Variants in SP140 observed in about 807,000 individuals in gnomAD.
SP140 encodes the protein nuclear body protein SP140.
SP140 carries 81 observed loss-of-function variants against 125.0 expected under a neutral mutation model. The observed-to-expected ratio is 0.65, with a 90% CI of 0.54 to 0.78. SP140 has a LOEUF of 0.78. Among genes scored for constraint, SP140 ranks in the 30% least tolerant of loss-of-function variants. The probability of loss-of-function intolerance (pLI) is 0.00; values close to 1 mark genes in which losing one functional copy is unlikely to be tolerated. For synonymous variants in SP140, 312 were observed against 354.0 expected (o/e 0.88, Z 1.33); for missense variants, 858 against 1,037.0 (o/e 0.83, Z 2.37).
At chr2:230,271,872 T>G (rs2053982211) in intron 15 of SP140, among the ~76,000 whole-genome samples, 2 of 152,156 alleles carry the variant, frequency 1.3e-5, no homozygotes, top group African/African-American at 2.4e-5. Context: ...AAGGTCAGAT[T>G]ATACATTCAC....
At chr2:230,206,595 T>TTATATATATATA (rs56817002) in intron 1 of SP140, among the ~76,000 whole-genome samples, 1,566 of 69,838 alleles carry the variant, frequency 0.022, 96 homozygotes, top group East Asian at 0.032. Context: ...GGTCCAGATT[T>TTATATATATATA]TATATATATA....
intron 1 of SP140, among the ~76,000 whole-genome samples, chr2:230,205,951 A>G (rs1203333225): frequency 2.0e-5 from 3 of 152,186 alleles, no homozygotes; most frequent in African/African-American, 7.2e-5. Context: ...CCCATAGAGA[A>G]TACACATAAC....
intron 16 of SP140, 100 bp from the exon 17 acceptor site, chr2:230,285,652 C>G: frequency 1.0e-6 from 1 of 984,038 alleles, no homozygotes; most frequent in Non-Finnish European, 1.6e-6. Context: ...TCGAGGGGAT[C>G]CAGAATGAGA....
intron 15 of SP140, among the ~76,000 whole-genome samples, chr2:230,278,535 T>C (rs552433679): frequency 6.6e-6 from 1 of 152,204 alleles, no homozygotes; most frequent in African/African-American, 2.4e-5. Context: ...TTTGCTTTTG[T>C]TCCTGTGCTT....
intron 17 of SP140, 138 bp downstream of exon 17, chr2:230,285,970 C>A: frequency 1.6e-6 from 1 of 641,910 alleles, no homozygotes. Context: ...TCTAAAAGAG[C>A]AAACTCATTA....
At chr2:230,225,623 G>A (rs527791816), upstream of SP140, 55 of 596,694 alleles carry the variant, frequency 9.2e-5, no homozygotes, top group African/African-American at 7.4e-4. Flanking sequence ...CCGTGGCCTC[G>A]TGGGGCTGGC....
At chr2:230,215,324 C>G (rs1006138894) in intron 3 of SP140, among the ~76,000 whole-genome samples, 2 of 152,070 alleles carry the variant, frequency 1.3e-5, no homozygotes, top group South Asian at 4.2e-4. Flanking sequence ...GGATGACTAG[C>G]AACAAAAATA....
chr2:230,241,973 A>T (rs2048790022), intron 4 of SP140, among the ~76,000 whole-genome samples: 1 of 152,132 alleles, frequency 6.6e-6, no homozygotes, highest in Admixed American at 6.6e-5. Flanking sequence ...GGGAGTTTGG[A>T]TATGGAGAGA....
In SP140 at chr2:230,225,856, G is replaced by A; in HGVS notation, c.12G>A (p.Gln4=). 6.2e-7 allele frequency: 1 copy of A among 1,613,984 alleles called. No individual in the cohort carries two copies. Among genetic ancestry groups the A allele is most frequent in the Non-Finnish European group, 8.5e-7 (1 of 1,179,836 alleles). Residue 4 remains glutamine, a synonymous_variant, in exon 1 of 27, where the codon CAG becomes CAA. Coordinates refer to ENST00000392045, the MANE Select transcript of SP140 (RefSeq NM_007237.5). MAQ[Q]GQQGQMASGD... is the part of the protein sequence containing the mutation. ...CCTAGGCCAAGCTCATGGCCCAGCA[G>A]GGCCAGCAGGGGCAGATGGCAAGTG...
intron 22 of SP140, among the ~76,000 whole-genome samples, chr2:230,308,581 A>T (rs1350405907): frequency 6.6e-6 from 1 of 152,340 alleles, no homozygotes; most frequent in East Asian, 1.9e-4. Context: ...GCAGGGCCAC[A>T]TGGGGGCTGC....
chr2:230,303,443 G>A (rs949526970), intron 22 of SP140, among the ~76,000 whole-genome samples: 1 of 152,158 alleles, frequency 6.6e-6, no homozygotes. Flanking sequence ...GAAAGGCCAA[G>A]ACCAGATGGA....
At chr2:230,287,839 G>A (rs1207247232) in intron 17 of SP140, 53 bp from the exon 18 acceptor site, 60 of 1,457,468 alleles carry the variant, frequency 4.1e-5, no homozygotes, top group Middle Eastern at 4.9e-4. Context: ...GCTGTAATAT[G>A]TGTAATACAG....
At position 230,211,613 on chromosome 2, in the gene SP140, G is replaced by A; in HGVS notation, c.-322-2041G>A. On this transcript the variant is annotated intron_variant, in intron 1 of 4. Transcript: ENST00000456542. The surrounding 1 kb of genome is among the most constrained non-coding windows in gnomAD (Gnocchi z 4.2). Reference sequence around the variant, plus strand: ...AACAGCAAGCAGGGACCAGAATGAGGAGAAAAGAGAATGCTCTATTCCAAC... The same window carrying A: ...AACAGCAAGCAGGGACCAGAATGAGAAGAAAAGAGAATGCTCTATTCCAAC... 1 of 992,286 alleles carries A rather than the reference G, an allele frequency of 1.0e-6. No homozygotes were observed. The highest frequency in any genetic ancestry group is 1.6e-6 in the Non-Finnish European group (1 of 613,164). The allele number at this position is 992,286 out of a possible 1,614,324, so 61.5% of individuals were successfully genotyped here.
rs377287520 is a variant in SP140 at position 230,286,791 on chromosome 2, A to G, written c.1645+959A>G. On this transcript the variant is annotated intron_variant, in intron 17 of 26. Coordinates refer to ENST00000392045, the MANE Select transcript of SP140 (RefSeq NM_007237.5). ...AACCTACTTGCTTGGGACTTTCTCAATTTTCCCAATGAAACTCTCATTTCC... is the reference window on the plus strand; with the variant it reads ...AACCTACTTGCTTGGGACTTTCTCAGTTTTCCCAATGAAACTCTCATTTCC... Among the ~76,000 whole-genome samples the G allele has an allele frequency of 8.6e-5, 13 of 152,016 alleles. No homozygotes were observed. The South Asian group carries it at 1.2e-3, about 15-fold the overall frequency.
chr2:230,199,871 A>G (rs909291295), upstream of SP140, among the ~76,000 whole-genome samples: 10 of 152,176 alleles, frequency 6.6e-5, no homozygotes, highest in Non-Finnish European at 1.0e-4. Context: ...CTTCCTTTCT[A>G]TGGAGAACGA....
chr2:230,216,695 G>A, intron 3 of SP140: 1 of 1,534,946 alleles, frequency 6.5e-7, no homozygotes, highest in Non-Finnish European at 9.0e-7. Context: ...AACTCTGGAA[G>A]CCCTGGTGGT....
intron 1 of SP140, chr2:230,203,659 G>C (rs1204483813): frequency 6.6e-6 from 1 of 152,200 alleles, no homozygotes; most frequent in Non-Finnish European, 1.5e-5. Context: ...GAGGGTTTCG[G>C]AGATGAGAAC....
chr2:230,205,386 C>T (rs2043655911), intron 1 of SP140, among the ~76,000 whole-genome samples: 1 of 152,320 alleles, frequency 6.6e-6, no homozygotes, highest in Middle Eastern at 3.4e-3. Context: ...TTGAGTCCCT[C>T]TGCCTGGACC....
chr2:230,205,998 G>A (rs1403317519), intron 1 of SP140, among the ~76,000 whole-genome samples: 1 of 152,142 alleles, frequency 6.6e-6, no homozygotes. Flanking sequence ...TAGAATGGGG[G>A]AGAAAGCAGC....
Sources: gnomAD v4.1 joint callset for allele counts (sites outside exome capture counted in the v4.1 genomes callset) on GRCh38, gnomAD v4.1.1 for gene constraint, Gnocchi (gnomAD v3.1) non-coding constraint, MANE v1.5 for transcripts, NCBI Gene and HGNC (gene_info 2026-07-23, HGNC 2026-07-21) for gene names.